ZNF705G: variants seen among roughly 807,000 people sequenced by gnomAD.
ZNF705G encodes putative zinc finger protein 705G.
Under a neutral mutation model 19.6 loss-of-function variants are expected in ZNF705G, and 23 were observed. The ratio of observed to expected loss-of-function variants is 1.17; its 90% CI spans 0.84 to 1.66. The LOEUF (loss-of-function observed/expected upper bound fraction) is 1.66, where lower values mean the gene tolerates loss of function less well. ZNF705G is among the 40% of genes most tolerant of loss of function. The pLI, the probability that ZNF705G is intolerant of heterozygous loss-of-function variation, is 0.00. For synonymous variants in ZNF705G, 146 were observed against 117.7 expected, an observed-to-expected ratio of 1.24 and a Z score of -1.56; for missense variants, 457 against 354.4, an observed-to-expected ratio of 1.29 and a Z score of -2.32.
chr8:7,382,007 G>A (rs2739893), intron 1 of ZNF705G, among the ~76,000 whole-genome samples: 5,671 of 144,386 alleles, frequency 0.039, 16 homozygotes, highest in African/African-American at 0.12. Flanking sequence ...TTTCATTTTA[G>A]CCAATTTCTA....
At position 7,374,007 on chromosome 8, in the gene ZNF705G, A is replaced by G. The variant is rs1221012085; in HGVS notation, c.-72+7445T>C. On this transcript the variant is annotated intron_variant, in intron 2 of 6. Coordinates refer to ENST00000400156, the MANE Select transcript of ZNF705G (RefSeq NM_001164457.3). ...ATTGCCTCTATTTTTGCTGTTTTAT[A>G]GAGAAAAAAATTAAGGCCCTGGAAA... Among the ~76,000 whole-genome samples the G allele has an allele frequency of 2.6e-5, 2 of 77,708 alleles. 1 individual carries two copies. Among genetic ancestry groups the G allele is most frequent in the Non-Finnish European group, 4.8e-5 (2 of 41,332 alleles). The allele number at this position is 77,708 out of a possible 152,430, so 51.0% of individuals were successfully genotyped here. A position where few individuals can be genotyped will look rare whatever the true frequency, so the allele number is the denominator to read the frequency against.
At chr8:7,378,965 A>G (rs1315899033) in intron 2 of ZNF705G, among the ~76,000 whole-genome samples, 1 of 149,134 alleles carries the variant, frequency 6.7e-6, no homozygotes, top group Non-Finnish European at 1.5e-5. Context: ...TACAACAGCC[A>G]CTGAGTGCTT....
chr8:7,380,090 G>T (rs1399579516), intron 2 of ZNF705G, among the ~76,000 whole-genome samples: 2 of 143,762 alleles, frequency 1.4e-5, no homozygotes, highest in Admixed American at 6.7e-5. Context: ...CACTAGGGAG[G>T]CTGCCCCCAG....
rs1286178784 is a variant in ZNF705G at position 7,355,519 on chromosome 8, T to A, written c.*2457A>T. 2.7e-5 allele frequency: 4 copies of A among 150,056 alleles called. No individual in the cohort carries two copies. The highest frequency in any genetic ancestry group is 2.6e-4 in the Admixed American group (4 of 15,244). The allele number at this position is 150,056 out of a possible 1,614,324, so 9.3% of individuals were successfully genotyped here. ...AAGATCAAATGGAAATTGAGTATGATACCTTGTGCTTTAATTAAAGAAGAT... is the reference window on the plus strand; with the variant it reads ...AAGATCAAATGGAAATTGAGTATGAAACCTTGTGCTTTAATTAAAGAAGAT... On this transcript the variant is annotated 3_prime_UTR_variant, in exon 7 of 7. Coordinates refer to ENST00000400156, the MANE Select transcript of ZNF705G (RefSeq NM_001164457.3).
chr8:7,361,068 G>A, intron 4 of ZNF705G, 42 bp downstream of exon 4: 1 of 1,592,752 alleles, frequency 6.3e-7, no homozygotes, highest in Non-Finnish European at 8.5e-7. Context: ...ATGAATGAGT[G>A]AATGTGTCTC....
chr8:7,362,927 C>G lies in ZNF705G; in HGVS notation c.12+8G>C, dbSNP rs1437320917. The G allele has an allele frequency of 1.3e-6, 2 of 1,590,086 alleles. No individual in the cohort carries two copies. The highest frequency in any genetic ancestry group is 1.7e-6 in the Non-Finnish European group (2 of 1,178,744). ...TAATTTCAGTAGAAAGAGGCATCCC[C>G]TACTCACTAGTGAATGCATTGTCAG... On this transcript the variant is annotated splice_region_variant and intron_variant, in intron 3 of 6. Coordinates refer to ENST00000400156, the MANE Select transcript of ZNF705G (RefSeq NM_001164457.3).
In ZNF705G at chr8:7,360,336, T is replaced by C. The variant is rs754014280; in HGVS notation, c.140-4A>G. The stretch of plus-strand genomic sequence containing the variant: ...TAGGATTTGCTTATCTGGTACCCTG[T>C]TAGTGGAAAGAATACATGTGTTTTG... On this transcript the variant is annotated splice_region_variant and splice_polypyrimidine_tract_variant and intron_variant, in intron 4 of 6. Transcript: ENST00000400156. 311 of 1,588,416 alleles carry C rather than the reference T, an allele frequency of 2.0e-4. 3 individuals carry two copies. Among genetic ancestry groups the C allele is most frequent in the Non-Finnish European group, 2.5e-4 (298 of 1,178,096 alleles).
chr8:7,360,988 A>T lies in ZNF705G; in HGVS notation c.139+122T>A, dbSNP rs1272162143. ...TTTAGAGAGTTCAAACCTTTTTCAG[A>T]TGAGATCTGTGAGAGAATCAGAGAA... is the stretch of plus-strand genomic sequence containing the variant. On this transcript the variant is annotated intron_variant, in intron 4 of 6. Coordinates refer to ENST00000400156, the MANE Select transcript of ZNF705G (RefSeq NM_001164457.3). The T allele has an allele frequency of 1.0e-5, 16 of 1,556,184 alleles. No homozygotes were observed. The South Asian group carries it at 1.4e-4, about 14-fold the overall frequency.
In ZNF705G at chr8:7,358,527, A is replaced by C. The variant is rs1423649717; in HGVS notation, c.352T>G (p.Cys118Gly). ...GTGCAATCTTCTCCCGAATCATTAC[A>C]TTCAAAAGGATCCTCCAGAATGAGA... ...NSLILEDPFE[C>G]NDSGEDCTRS... The change falls in exon 7 of 7, where the codon TGT becomes GGT. Residue 118 changes from cysteine to glycine, a missense_variant. Physicochemically the swap from Cys to Gly is radical, Grantham distance 159 (BLOSUM62 -3). Transcript: ENST00000400156. 3 of 1,607,576 alleles carry C rather than the reference A, an allele frequency of 1.9e-6. 1 individual carries two copies. The highest frequency in any genetic ancestry group is 2.8e-5 in the African/African-American group (2 of 71,272).
chr8:7,376,465 C>A (rs1291355981), intron 2 of ZNF705G, among the ~76,000 whole-genome samples: 1 of 113,570 alleles, frequency 8.8e-6, no homozygotes, highest in African/African-American at 3.9e-5. Flanking sequence ...CTCTGTGTTA[C>A]ATACAAAGAC....
In ZNF705G at chr8:7,356,801, T is replaced by G. The variant is rs1413381166; in HGVS notation, c.*1175A>C. ...GGCTTTGCCAACATACTAAGTTTTT[T>G]CAACAACAGATTGTATTCTTTCAAT... is the stretch of plus-strand genomic sequence containing the variant. On this transcript the variant is annotated 3_prime_UTR_variant, in exon 7 of 7. Coordinates refer to ENST00000400156, the MANE Select transcript of ZNF705G (RefSeq NM_001164457.3). The G allele has an allele frequency of 1.3e-5, 2 of 149,874 alleles. No homozygotes were observed. The highest frequency in any genetic ancestry group is 2.9e-5 in the Non-Finnish European group (2 of 68,020). The allele number at this position is 149,874 out of a possible 1,614,324, so 9.3% of individuals were successfully genotyped here.
intron 2 of ZNF705G, among the ~76,000 whole-genome samples, chr8:7,364,754 T>G (rs1161356344): frequency 1.3e-5 from 2 of 149,572 alleles, no homozygotes; most frequent in Admixed American, 1.3e-4. Context: ...TTCCTTGGAC[T>G]ATTTTCTACA....
Position 7,357,676 on chromosome 8 carries a change from G to C in ZNF705G, c.*300C>G, listed in dbSNP as rs953715341. The C allele has an allele frequency of 1.2e-5, 6 of 517,130 alleles. No homozygotes were observed. The highest frequency in any genetic ancestry group is 3.7e-5 in the East Asian group (1 of 27,282). The allele number at this position is 517,130 out of a possible 1,614,324, so 32.0% of individuals were successfully genotyped here. On this transcript the variant is annotated 3_prime_UTR_variant, in exon 7 of 7. Coordinates refer to ENST00000400156, the MANE Select transcript of ZNF705G (RefSeq NM_001164457.3). Reference sequence around the variant, plus strand: ...AATTTCTCTTCCATATGAATTTATTGATGTGGACTGAAGAATAAAGGTAAC... The same window carrying C: ...AATTTCTCTTCCATATGAATTTATTCATGTGGACTGAAGAATAAAGGTAAC...
intron 2 of ZNF705G, among the ~76,000 whole-genome samples, chr8:7,367,733 T>A (rs2128840619): frequency 6.7e-6 from 1 of 149,774 alleles, no homozygotes; most frequent in East Asian, 1.9e-4. Context: ...CCTTTTTAAA[T>A]AAACTTCCAC....
chr8:7,361,315 C>A, intron 3 of ZNF705G, 79 bp from the exon 4 acceptor site: 2 of 1,590,784 alleles, frequency 1.3e-6, no homozygotes, highest in Non-Finnish European at 1.7e-6. Context: ...GATGACATAG[C>A]TAGCAGCTGG....
chr8:7,360,393 A>G (rs1471652865), intron 4 of ZNF705G, 61 bp from the exon 5 acceptor site: 1 of 1,580,318 alleles, frequency 6.3e-7, no homozygotes, highest in African/African-American at 1.5e-5. Flanking sequence ...CATTATCACC[A>G]AGTGTAATGC....
chr8:7,359,570 T>G (rs1419729025), intron 6 of ZNF705G, 49 bp downstream of exon 6: 7 of 1,602,186 alleles, frequency 4.4e-6, no homozygotes, highest in African/African-American at 1.4e-5. Flanking sequence ...CTTAATCCAT[T>G]AACATGTCTT....
intron 2 of ZNF705G, among the ~76,000 whole-genome samples, chr8:7,369,414 T>C (rs765254113): frequency 6.7e-6 from 1 of 149,374 alleles, no homozygotes; most frequent in Non-Finnish European, 1.5e-5. Context: ...GGGCACTGCC[T>C]AGTGGAGCTC....
rs536573033 is a variant in ZNF705G, at chr8:7,358,825, G to A, written c.319-265C>T. Among the ~76,000 whole-genome samples the A allele has an allele frequency of 2.1e-4, 32 of 149,110 alleles. 2 individuals are homozygous for A. Among genetic ancestry groups the A allele is most frequent in the African/African-American group, 5.4e-4 (21 of 38,642 alleles). Reference sequence around the variant, plus strand: ...ATGGCTACAAGATGAAAAGCTACACGCCTCCCCCATATTTTGCCCATGAGG... The same window carrying A: ...ATGGCTACAAGATGAAAAGCTACACACCTCCCCCATATTTTGCCCATGAGG... On this transcript the variant is annotated intron_variant, in intron 6 of 6. Coordinates refer to ENST00000400156, the MANE Select transcript of ZNF705G (RefSeq NM_001164457.3).
Sources: allele counts gnomAD v4.1 joint callset (sites outside exome capture counted in the v4.1 genomes callset), GRCh38; gene constraint gnomAD v4.1.1; transcripts MANE v1.5; gene names NCBI Gene and HGNC (gene_info 2026-07-23, HGNC 2026-07-21).